Variants in USP35 observed in about 807,000 individuals in gnomAD.
USP35 encodes ubiquitin specific peptidase 35.
Under a neutral mutation model 83.8 loss-of-function variants are expected in USP35, and 69 were observed. The ratio of observed to expected loss-of-function variants is 0.82; its 90% CI spans 0.68 to 1.01. The LOEUF is 1.01. Ranked by LOEUF, USP35 falls within the 50% of genes least tolerant of loss-of-function variation. The probability of loss-of-function intolerance (pLI) is 0.00; values close to 1 mark genes in which losing one functional copy is unlikely to be tolerated. For missense variants in USP35, 1,503 were observed against 1,362.5 expected (o/e 1.10, Z -1.62); for synonymous variants, 714 against 589.5 (o/e 1.21, Z -3.06).
chr11:78,199,977 A>G (rs911756840), intron 4 of USP35, among the ~76,000 whole-genome samples, 156 bp from the exon 5 acceptor site: 2 of 152,016 alleles, frequency 1.3e-5, no homozygotes, highest in African/African-American at 4.8e-5. Flanking sequence ...CCATCTCACC[A>G]TCTGTCTGTC....
the USP35 span, among the ~76,000 whole-genome samples, chr11:78,224,864 C>G: frequency 6.6e-6 from 1 of 152,070 alleles, no homozygotes; most frequent in South Asian, 2.1e-4. Flanking sequence ...CCTCTGCTTA[C>G]CTACAAGGTT....
chr11:78,221,923 G>T, the USP35 span: 3 of 683,832 alleles, frequency 4.4e-6, no homozygotes, highest in Admixed American at 4.7e-5. Flanking sequence ...CTGATATAGG[G>T]CAGGTATAAT....
intron 7 of USP35, among the ~76,000 whole-genome samples, chr11:78,206,919 G>A (rs1863545495): frequency 6.6e-6 from 1 of 151,938 alleles, no homozygotes; most frequent in Non-Finnish European, 1.5e-5. Context: ...CCCACTAGGA[G>A]CCAGTCTACC....
rs376543951 is a variant in USP35, at chr11:78,209,499, G to C, written c.1644G>C (p.Gln548His). ...TGTRICQKLK[Q>H]SSSPSPPEEP... Reference sequence around the variant, plus strand: ...CAAGGATCTGCCAGAAACTCAAGCAGTCCAGCTCGCCCTCTCCGCCCGAGG... The same window carrying C: ...CAAGGATCTGCCAGAAACTCAAGCACTCCAGCTCGCCCTCTCCGCCCGAGG... Residue 548 changes from glutamine (Q) to histidine (H), a missense_variant, in exon 10 of 11, where the codon CAG (glutamine) becomes CAC (histidine). Coordinates refer to ENST00000529308, the MANE Select transcript of USP35 (RefSeq NM_020798.4). The C allele has an allele frequency of 3.7e-6, 6 of 1,613,672 alleles. No individual in the cohort carries two copies. The African/African-American group carries it at 5.3e-5, about 14-fold the overall frequency.
Position 78,196,408 on chromosome 11 carries a change from G to C in USP35, c.163G>C (p.Glu55Gln). Residue 55 changes from glutamate (E) to glutamine (Q), a missense_variant, in exon 2 of 11, where the codon GAG becomes CAG. Coordinates refer to ENST00000529308, the MANE Select transcript of USP35 (RefSeq NM_020798.4). The surrounding 1 kb of genome is among the most constrained non-coding windows in gnomAD (Gnocchi z 4.8). ...GARLYVGGAEELPRRVGCQLL... is the reference protein window; with the variant it reads ...GARLYVGGAEQLPRRVGCQLL... ...GCGCCTCTACGTGGGCGGCGCGGAG[G>C]AGCTGCCGCGCCGCGTGGGCTGCCA... The C allele has an allele frequency of 7.5e-7, 1 of 1,330,562 alleles. No homozygotes were observed. Among genetic ancestry groups the C allele is most frequent in the Non-Finnish European group, 9.6e-7 (1 of 1,046,194 alleles). The allele number at this position is 1,330,562 out of a possible 1,614,324, so 82.4% of individuals were successfully genotyped here.
chr11:78,230,822 C>A, the USP35 span, among the ~76,000 whole-genome samples: 1 of 152,236 alleles, frequency 6.6e-6, no homozygotes, highest in Non-Finnish European at 1.5e-5. Context: ...AATGTGGTCC[C>A]TTTGGGCAAT....
the USP35 span, among the ~76,000 whole-genome samples, chr11:78,236,448 G>T: frequency 6.6e-6 from 1 of 152,168 alleles, no homozygotes; most frequent in Non-Finnish European, 1.5e-5. Flanking sequence ...ACCACACCAG[G>T]ACTCTTATTT....
chr11:78,200,067 GCTTGTGATTCTA>G, intron 4 of USP35, 54 bp from the exon 5 acceptor site: 14 of 1,556,920 alleles, frequency 9.0e-6, no homozygotes, highest in Non-Finnish European at 1.2e-5. Context: ...CCCCTCTCAG[GCTTGTGATTCTA>G]CTTGGCCTCA....
Position 78,196,535 on chromosome 11 carries a change from G to GC in USP35, c.295dup (p.Arg99ProfsTer133). 1.6e-6 allele frequency: 2 copies of GC among 1,223,348 alleles called. No individual in the cohort carries two copies. The highest frequency in any genetic ancestry group is 1.6e-5 in the African/African-American group (1 of 61,214). The allele number at this position is 1,223,348 out of a possible 1,614,324, so 75.8% of individuals were successfully genotyped here. A position where few individuals can be genotyped will look rare whatever the true frequency, so the allele number is the denominator to read the frequency against. ...CTGCAGGGTGGCGCCGGCCCCCCGG[G>GC]CCCCCGCGCGCTCGCCTGCGTGCAG... On this transcript the variant is annotated frameshift_variant, in exon 2 of 11. Coordinates refer to ENST00000529308, the MANE Select transcript of USP35 (RefSeq NM_020798.4). LOFTEE classifies it high-confidence loss of function. This position sits in a 1 kb window ranked among gnomAD's most constrained non-coding sequence, Gnocchi z 4.8.
At chr11:78,212,939 C>G (rs970050460) in intron 10 of USP35, among the ~76,000 whole-genome samples, 2 of 152,076 alleles carry the variant, frequency 1.3e-5, no homozygotes, top group Admixed American at 6.6e-5. Flanking sequence ...CCACTACCCA[C>G]GTGAGCCTCC....
Position 78,207,437 on chromosome 11 carries a change from G to A in USP35, c.1392-93G>A, listed in dbSNP as rs546608029. On this transcript the variant is annotated intron_variant, in intron 7 of 10. Coordinates refer to ENST00000529308, the MANE Select transcript of USP35 (RefSeq NM_020798.4). ...GGGCAGAAATGTCTGTTCTGCCTTT[G>A]GCCTAGAGGCTCTGGGCTGCCTGTG... is the stretch of plus-strand genomic sequence containing the variant. The A allele has an allele frequency of 4.0e-4, 508 of 1,259,280 alleles. 4 individuals are homozygous for A. In the South Asian group the frequency reaches 6.1e-3, roughly 15 times the overall value. 78.0% of individuals were successfully genotyped at this position (1,259,280 alleles called of 1,614,324 possible). A position where few individuals can be genotyped will look rare whatever the true frequency, so the allele number is the denominator to read the frequency against.
intron 1 of USP35, among the ~76,000 whole-genome samples, chr11:78,191,666 A>G (rs935091966): frequency 6.6e-6 from 1 of 152,056 alleles, no homozygotes; most frequent in African/African-American, 2.4e-5. Flanking sequence ...AAGGGGTCTG[A>G]TCCTGGGTGG....
At position 78,213,611 on chromosome 11, in the gene USP35, TCTAAGTCTAAGTCTC is replaced by T. The variant is rs757551836; in HGVS notation, c.2890-32_2890-18del. On this transcript the variant is annotated intron_variant, in intron 10 of 10. Transcript: ENST00000529308. ...CTCACTCTGGCTTCAGGGTGTGAAT[TCTAAGTCTAAGTCTC>T]CTCTCATCTGTGTTCCCAGGAGCAG... 1 of 965,964 alleles carries T rather than the reference TCTAAGTCTAAGTCTC, an allele frequency of 1.0e-6. No individual in the cohort carries two copies. Among genetic ancestry groups the T allele is most frequent in the Non-Finnish European group, 1.3e-6 (1 of 766,814 alleles). The allele number at this position is 965,964 out of a possible 1,614,324, so 59.8% of individuals were successfully genotyped here.
chr11:78,209,937 G>A lies in USP35; in HGVS notation c.2082G>A (p.Gly694=). The A allele has an allele frequency of 6.2e-7, 1 of 1,605,858 alleles. No homozygotes were observed. The highest frequency in any genetic ancestry group is 1.1e-5 in the South Asian group (1 of 90,262). ...AGAGAACGGAGAAGGAAGAAGTGGGGGAGGAGGAGGAAAGCACCAGAGGGG... is the reference window on the plus strand; with the variant it reads ...AGAGAACGGAGAAGGAAGAAGTGGGAGAGGAGGAGGAAAGCACCAGAGGGG... ...KEERTEKEEV[G]EEEESTRGEG... The change falls in exon 10 of 11, where the codon GGG becomes GGA. Residue 694 remains glycine (G), a synonymous_variant. Transcript: ENST00000529308.
the USP35 span, among the ~76,000 whole-genome samples, chr11:78,235,229 T>C: frequency 6.7e-6 from 1 of 149,516 alleles, no homozygotes; most frequent in South Asian, 2.1e-4. Flanking sequence ...CTCGGCTCAC[T>C]GCAAGCTCCG....
the USP35 span, chr11:78,221,839 G>T: frequency 8.2e-7 from 1 of 1,215,598 alleles, no homozygotes; most frequent in Non-Finnish European, 1.2e-6. Flanking sequence ...CATGTTTCTA[G>T]CCTCCAGCTG....
At chr11:78,215,503 A>C (rs1244672798), downstream of USP35, 2 of 152,684 alleles carry the variant, frequency 1.3e-5, no homozygotes, top group African/African-American at 4.8e-5. Flanking sequence ...TTAGGCACCA[A>C]CAGTGATTTG....
rs562965788 is a variant in USP35, at chr11:78,209,916, A to G, written c.2061A>G (p.Arg687=). ...IEREEEGKEE[R]TEKEEVGEEE... is the part of the protein sequence containing the mutation. Reference sequence around the variant, plus strand: ...GGGAGGAAGAAGGGAAGGAGGAGAGAACGGAGAAGGAAGAAGTGGGGGAGG... The same window carrying G: ...GGGAGGAAGAAGGGAAGGAGGAGAGGACGGAGAAGGAAGAAGTGGGGGAGG... Residue 687 remains arginine (R), a synonymous_variant, in exon 10 of 11, where the codon AGA becomes AGG. Transcript: ENST00000529308. The G allele has an allele frequency of 6.2e-7, 1 of 1,600,984 alleles. No homozygotes were observed. Among genetic ancestry groups the G allele is most frequent in the East Asian group, 2.3e-5 (1 of 44,268 alleles).
intron 7 of USP35, among the ~76,000 whole-genome samples, chr11:78,206,600 G>A (rs1359941001): frequency 1.4e-4 from 22 of 152,298 alleles, no homozygotes; most frequent in Admixed American, 1.4e-3. Context: ...GCTGGTGCAC[G>A]TTCTTCTCAA....
Sources: allele counts gnomAD v4.1 joint callset (sites outside exome capture counted in the v4.1 genomes callset), GRCh38; gene constraint gnomAD v4.1.1; non-coding constraint Gnocchi (gnomAD v3.1); transcripts MANE v1.5; gene names NCBI Gene and HGNC (gene_info 2026-07-23, HGNC 2026-07-21).